DOCK9: variants seen among roughly 807,000 people sequenced by gnomAD.
DOCK9 encodes dedicator of cytokinesis 9.
A neutral mutation model predicts 263.3 loss-of-function variants in DOCK9; 89 were observed. That is an observed-to-expected ratio of 0.34 (90% CI 0.28 to 0.40). DOCK9 has a LOEUF of 0.40. Among genes scored for constraint, DOCK9 ranks in the 10% least tolerant of loss-of-function variants. The pLI is 1.00. For missense variants in DOCK9, 2,140 were observed against 2,603.4 expected (o/e 0.82, Z 3.87); for synonymous variants, 976 against 973.1 (o/e 1.00, Z -0.06).
rs762671584 is a variant in DOCK9 at position 98,824,481 on chromosome 13, C to T, written c.5047G>A (p.Ala1683Thr). ...RKGVFRQGCT[A>T]FRVITPNIDE... Reference sequence around the variant, plus strand: ...ATGTTTGGGGTAATGACCCTGAAGGCGGTGCATCCTTGTCTAAACACGCCT... The same window carrying T: ...ATGTTTGGGGTAATGACCCTGAAGGTGGTGCATCCTTGTCTAAACACGCCT... Residue 1683 changes from alanine to threonine, a missense_variant, in exon 45 of 53, where the codon GCC becomes ACC. Ala to Thr is a moderately conservative substitution (Grantham distance 58, BLOSUM62 0). This residue lies in a region of DOCK9 where 619 missense variants were observed against 861.8 expected (regional missense o/e 0.72). Coordinates refer to ENST00000682017, the MANE Select transcript of DOCK9 (RefSeq NM_001366683.2). 6.4e-5 allele frequency: 104 copies of T among 1,613,590 alleles called. No individual in the cohort carries two copies. Among genetic ancestry groups the T allele is most frequent in the Admixed American group, 6.0e-4 (36 of 59,988 alleles).
At chr13:98,826,241 A>C (rs1312529084) in intron 44 of DOCK9, among the ~76,000 whole-genome samples, 1 of 152,142 alleles carries the variant, frequency 6.6e-6, no homozygotes, top group South Asian at 2.1e-4. Context: ...AAATGTCACC[A>C]TTTGGGGCTG....
intron 1 of DOCK9, among the ~76,000 whole-genome samples, chr13:98,988,251 G>A (rs1466352162): frequency 6.6e-6 from 1 of 151,988 alleles, no homozygotes; most frequent in African/African-American, 2.4e-5. Context: ...ATATACAAGA[G>A]CACTAAAAAC....
At chr13:99,013,903 A>T (rs977218443) in intron 1 of DOCK9, among the ~76,000 whole-genome samples, 5 of 152,308 alleles carry the variant, frequency 3.3e-5, no homozygotes, top group African/African-American at 1.2e-4. Context: ...GGGCAACGAC[A>T]CCAACAGAGA....
chr13:98,855,344 C>A (rs1369638133), intron 34 of DOCK9, among the ~76,000 whole-genome samples: 1 of 152,098 alleles, frequency 6.6e-6, no homozygotes, highest in Non-Finnish European at 1.5e-5. Flanking sequence ...GAGGCCGAGG[C>A]GGGCGGATGA....
rs761525525 is a variant in DOCK9 at position 98,807,715 on chromosome 13, C to T, written c.5460G>A (p.Leu1820=). The change falls in exon 48 of 53, where the codon CTG becomes CTA. Residue 1820 remains leucine (L), a synonymous_variant. Transcript: ENST00000682017. ...LSEISQRLLK[L]YSDKFGSENV... ...TTTCAGAACCAAATTTATCCGAGTA[C>T]AGTTTAAGGAGTCTCTGAGAAATTT... The T allele has an allele frequency of 4.3e-6, 7 of 1,613,414 alleles. No homozygotes were observed. The South Asian group carries it at 6.6e-5, about 15-fold the overall frequency.
chr13:98,972,661 G>A (rs193292394), intron 1 of DOCK9, among the ~76,000 whole-genome samples: 2 of 152,304 alleles, frequency 1.3e-5, no homozygotes, highest in East Asian at 3.9e-4. Context: ...TTAGGGGTTC[G>A]GCCTGCGCCT....
chr13:98,987,660 C>T (rs750016683), intron 1 of DOCK9, among the ~76,000 whole-genome samples: 11 of 152,148 alleles, frequency 7.2e-5, no homozygotes, highest in Non-Finnish European at 1.5e-4. Context: ...TTTAAGGGAC[C>T]CCTGCACACA....
chr13:98,839,889 T>C (rs2093147305), intron 38 of DOCK9, among the ~76,000 whole-genome samples: 1 of 152,240 alleles, frequency 6.6e-6, no homozygotes, highest in African/African-American at 2.4e-5. Flanking sequence ...GTCAGATTCA[T>C]ACAGACATCG....
intron 1 of DOCK9, among the ~76,000 whole-genome samples, chr13:99,021,510 G>A (rs1023139552): frequency 1.3e-5 from 2 of 151,884 alleles, no homozygotes; most frequent in African/African-American, 4.8e-5. Flanking sequence ...GTGGTGGCGG[G>A]CGCCTGTAGT....
At chr13:99,034,231 T>C (rs1002761360) in intron 1 of DOCK9, among the ~76,000 whole-genome samples, 5 of 152,142 alleles carry the variant, frequency 3.3e-5, no homozygotes, top group Non-Finnish European at 7.4e-5. Context: ...TCCTCCCTCA[T>C]TTCCCCAGTT....
chr13:99,002,558 A>C (rs1051131294), intron 1 of DOCK9, among the ~76,000 whole-genome samples: 2 of 152,218 alleles, frequency 1.3e-5, no homozygotes, highest in Non-Finnish European at 2.9e-5. Flanking sequence ...CAGTGGGTTC[A>C]CACAGCCTTT....
chr13:98,918,640 T>C (rs1444989229), intron 7 of DOCK9, among the ~76,000 whole-genome samples: 1 of 151,984 alleles, frequency 6.6e-6, no homozygotes, highest in East Asian at 1.9e-4. Flanking sequence ...CAAGGTAAAA[T>C]GATTTCACTT....
At chr13:98,868,118 C>T in intron 28 of DOCK9, 107 bp from the exon 29 acceptor site, 2 of 1,532,412 alleles carry the variant, frequency 1.3e-6, no homozygotes, top group South Asian at 2.3e-5. Context: ...ACATAAAAAA[C>T]ATGCCATCAA....
At chr13:98,986,136 G>A (rs1338986373) in intron 1 of DOCK9, among the ~76,000 whole-genome samples, 2 of 152,226 alleles carry the variant, frequency 1.3e-5, no homozygotes, top group South Asian at 4.1e-4. Context: ...TCCCTGTCCA[G>A]CTCCCAAAGC....
chr13:99,023,807 A>G (rs1454101717), intron 1 of DOCK9, among the ~76,000 whole-genome samples: 1 of 152,240 alleles, frequency 6.6e-6, no homozygotes, highest in Non-Finnish European at 1.5e-5. Flanking sequence ...AGGGAAGATA[A>G]GCTACAGGAA....
chr13:98,806,229 T>G (rs1428044739), intron 48 of DOCK9, among the ~76,000 whole-genome samples: 1 of 152,252 alleles, frequency 6.6e-6, no homozygotes, highest in Non-Finnish European at 1.5e-5. Flanking sequence ...AGGTACAGAT[T>G]AATCTAGACT....
In DOCK9 at chr13:98,855,307, C is replaced by A. The variant is rs1228775614; in HGVS notation, c.3831+591G>T. Among the ~76,000 whole-genome samples, 4 of 152,188 alleles carry A rather than the reference C, an allele frequency of 2.6e-5. No homozygotes were observed. In the South Asian group the frequency reaches 8.3e-4, roughly 32 times the overall value. The stretch of plus-strand genomic sequence containing the variant: ...ACAGGGAATTGGCCAGGTGTAGTGG[C>A]TCACGCCTGTAATCCCAGCACTTTG... On this transcript the variant is annotated intron_variant, in intron 34 of 52. Transcript: ENST00000682017.
In DOCK9 at chr13:98,876,015, C is replaced by T. The variant is rs143904040; in HGVS notation, c.2943+3883G>A. Among the ~76,000 whole-genome samples, 443 of 152,274 alleles carry T rather than the reference C, an allele frequency of 2.9e-3. 4 individuals carry two copies. Among genetic ancestry groups the T allele is most frequent in the African/African-American group, 0.01 (421 of 41,546 alleles). On this transcript the variant is annotated intron_variant, in intron 27 of 52. Coordinates refer to ENST00000682017, the MANE Select transcript of DOCK9 (RefSeq NM_001366683.2). ...TAAATATGCATTGAATGGACTCACT[C>T]GACTACCACCAAGAATGACATAAAT...
chr13:98,967,947 C>A (rs2059366117), intron 1 of DOCK9, among the ~76,000 whole-genome samples: 1 of 149,318 alleles, frequency 6.7e-6, no homozygotes, highest in Non-Finnish European at 1.5e-5. Flanking sequence ...ACATTTAAAT[C>A]ATGCATTTTT....
Sources: gnomAD v4.1 joint callset for allele counts (sites outside exome capture counted in the v4.1 genomes callset) on GRCh38, gnomAD v4.1.1 for gene constraint, gnomAD v4.1.1 regional missense constraint, MANE v1.5 for transcripts, NCBI Gene and HGNC (gene_info 2026-07-23, HGNC 2026-07-21) for gene names.